MEP1A: variants seen among roughly 807,000 people sequenced by gnomAD.
MEP1A encodes meprin A subunit alpha.
In MEP1A, 68 loss-of-function variants were observed where a neutral mutation model predicts 84.5. The ratio of observed to expected loss-of-function variants is 0.80; its 90% confidence interval spans 0.66 to 0.98. The LOEUF is 0.98. MEP1A is among the 50% of genes least tolerant of loss of function. The pLI, the probability that MEP1A is intolerant of heterozygous loss-of-function variation, is 0.00. For missense variants in MEP1A, 887 were observed against 919.9 expected (o/e 0.96, Z 0.46); for synonymous variants, 337 against 336.8 (o/e 1.00, Z -0.01).
At position 46,825,478 on chromosome 6, in the gene MEP1A, C is replaced by G. The variant is rs368922958; in HGVS notation, c.763C>G (p.Arg255Gly). The change falls in exon 8 of 14, where the codon CGA (arginine) becomes GGA (glycine). Residue 255 changes from arginine (R) to glycine (G), a missense_variant. By Grantham distance (125) the Arg-to-Gly change is moderately radical (BLOSUM62 -2). Transcript: ENST00000230588. The part of the protein sequence containing the change: ...FSAIDLERLN[R>G]MYNCTTTHTL... Reference sequence around the variant, plus strand: ...TGCCATTGATTTAGAGAGGCTGAACCGAATGTACAATTGCAGTGAGTATCT... The same window carrying G: ...TGCCATTGATTTAGAGAGGCTGAACGGAATGTACAATTGCAGTGAGTATCT... 1.2e-6 allele frequency: 2 copies of G among 1,610,752 alleles called. No individual in the cohort carries two copies. The highest frequency in any genetic ancestry group is 1.3e-5 in the African/African-American group (1 of 74,928).
intron 5 of MEP1A, among the ~76,000 whole-genome samples, chr6:46,802,552 A>C (rs1767219128): frequency 6.6e-6 from 1 of 151,800 alleles, no homozygotes; most frequent in South Asian, 2.1e-4. Context: ...TCCAATTTTT[A>C]CACCATATAT....
chr6:46,813,149 G>C (rs752016194), intron 6 of MEP1A, among the ~76,000 whole-genome samples: 2 of 151,940 alleles, frequency 1.3e-5, no homozygotes, highest in African/African-American at 4.8e-5. Context: ...AGGGTCTCCA[G>C]AATTAGGTAA....
At chr6:46,835,223 T>C in intron 12 of MEP1A, 26 bp from the exon 13 acceptor site, 1 of 1,549,086 alleles carries the variant, frequency 6.5e-7, no homozygotes, top group Non-Finnish European at 8.7e-7. Flanking sequence ...TCCTGGATCT[T>C]CCTCATGACT....
Position 46,829,564 on chromosome 6 carries a change from T to G in MEP1A, c.1137T>G (p.Thr379=). ...TTCGCAAGTTGGTGAAGGTGCAGAC[T>G]TTTCAAGGTACTTAGAGGCATTCAC... ...GNVRKLVKVQ[T]FQGDDDHNWK... Residue 379 remains threonine, a synonymous_variant, in exon 10 of 14, where the codon ACT becomes ACG. Transcript: ENST00000230588. 6.2e-7 allele frequency: 1 copy of G among 1,613,406 alleles called. No individual in the cohort carries two copies. Among genetic ancestry groups the G allele is most frequent in the Non-Finnish European group, 8.5e-7 (1 of 1,179,372 alleles).
At chr6:46,830,797 C>T (rs769783121) in intron 10 of MEP1A, among the ~76,000 whole-genome samples, 20 of 152,132 alleles carry the variant, frequency 1.3e-4, no homozygotes, top group Admixed American at 3.9e-4. Flanking sequence ...CTACAAATCA[C>T]AGTTTTGAGG....
chr6:46,825,072 CTATT>C (rs1767902472), intron 7 of MEP1A, among the ~76,000 whole-genome samples, 196 bp from the exon 8 acceptor site: 1 of 119,808 alleles, frequency 8.3e-6, no homozygotes, highest in African/African-American at 3.4e-5. Context: ...TTAAATAAAT[CTATT>C]TAAATATTTA....
At chr6:46,809,573 T>C in intron 6 of MEP1A, 36 bp downstream of exon 6, 3 of 1,395,840 alleles carry the variant, frequency 2.1e-6, no homozygotes, top group Non-Finnish European at 3.0e-6. Flanking sequence ...AAATCATGCA[T>C]ACTTTGGTTC....
At position 46,807,577 on chromosome 6, in the gene MEP1A, G is replaced by GA. The variant is rs1435817389; in HGVS notation, c.263-1841dup. On this transcript the variant is annotated intron_variant, in intron 5 of 13. Coordinates refer to ENST00000230588, the MANE Select transcript of MEP1A (RefSeq NM_005588.3). ...GAAAGAAAGAAAGAAAGGAAGGAAG[G>GA]AAGGAAGGAAGGAAGGAAGGAAGGA... Among the ~76,000 whole-genome samples, 70 of 35,582 alleles carry GA rather than the reference G, an allele frequency of 2.0e-3. 1 individual carries two copies. Among genetic ancestry groups the GA allele is most frequent in the African/African-American group, 9.3e-3 (69 of 7,386 alleles). 23.3% of individuals were successfully genotyped at this position (35,582 alleles called of 152,430 possible). A position where few individuals can be genotyped will look rare whatever the true frequency, so the allele number is the denominator to read the frequency against.
intron 5 of MEP1A, among the ~76,000 whole-genome samples, chr6:46,807,573 G>A (rs201300086): frequency 0.2 from 4,685 of 23,306 alleles, 283 homozygotes; most frequent in African/African-American, 0.28. Flanking sequence ...AGAAAGGAAG[G>A]AAGGAAGGAA....
At chr6:46,805,794 T>C (rs1767299092) in intron 5 of MEP1A, among the ~76,000 whole-genome samples, 1 of 151,960 alleles carries the variant, frequency 6.6e-6, no homozygotes, top group Admixed American at 6.6e-5. Context: ...TTCTTCTGTC[T>C]TTAAGGTGAT....
At position 46,824,993 on chromosome 6, in the gene MEP1A, TAG is replaced by T. The variant is rs1170706513; in HGVS notation, c.557-277_557-276del. Among the ~76,000 whole-genome samples the T allele has an allele frequency of 9.6e-4, 120 of 124,818 alleles. 12 individuals are homozygous for T. Among genetic ancestry groups the T allele is most frequent in the African/African-American group, 3.5e-3 (112 of 32,428 alleles). 81.9% of individuals were successfully genotyped at this position (124,818 alleles called of 152,430 possible). On this transcript the variant is annotated intron_variant, in intron 7 of 13. Transcript: ENST00000230588. ...AATATATATAAATTATATATTTAAATAGATCTATTTAAGTATATATAAATTAT... is the reference window on the plus strand; with the variant it reads ...AATATATATAAATTATATATTTAAATATCTATTTAAGTATATATAAATTAT...
At chr6:46,824,828 T>C (rs187086441) in intron 7 of MEP1A, among the ~76,000 whole-genome samples, 10 of 86,908 alleles carry the variant, frequency 1.2e-4, no homozygotes, top group East Asian at 2.9e-4. Flanking sequence ...TTAGATGTAT[T>C]TAAATATATA....
chr6:46,807,835 GAAA>G (rs1767400170), intron 5 of MEP1A, among the ~76,000 whole-genome samples: 16 of 126,806 alleles, frequency 1.3e-4, no homozygotes, highest in Admixed American at 2.3e-4. Context: ...AAGAAAGAAA[GAAA>G]GGAAGAAAGG....
chr6:46,798,515 T>A, intron 3 of MEP1A, 91 bp from the exon 4 acceptor site: 1 of 1,105,114 alleles, frequency 9.0e-7, no homozygotes, highest in Non-Finnish European at 1.4e-6. Context: ...ATTCAAAGAT[T>A]TATAATGGCA....
chr6:46,836,259 CT>C (rs1460714588), intron 13 of MEP1A, among the ~76,000 whole-genome samples: 3 of 152,138 alleles, frequency 2.0e-5, no homozygotes, highest in African/African-American at 7.2e-5. Context: ...TTTTATAGTT[CT>C]TTTTATAATG....
At chr6:46,836,125 C>G (rs557536730) in intron 13 of MEP1A, among the ~76,000 whole-genome samples, 1 of 152,244 alleles carries the variant, frequency 6.6e-6, no homozygotes, top group African/African-American at 2.4e-5. Context: ...CTCCTTATCC[C>G]CGTTTAGTGT....
At chr6:46,806,960 C>T (rs2150743191) in intron 5 of MEP1A, among the ~76,000 whole-genome samples, 1 of 152,000 alleles carries the variant, frequency 6.6e-6, no homozygotes, top group East Asian at 1.9e-4. Flanking sequence ...CTGTTTTAGC[C>T]ATTTTCCAGC....
intron 6 of MEP1A, among the ~76,000 whole-genome samples, chr6:46,814,070 G>A (rs2150747123): frequency 6.6e-6 from 1 of 152,240 alleles, no homozygotes; most frequent in East Asian, 1.9e-4. Context: ...GGTGTTCTTT[G>A]AGATTCTTAT....
chr6:46,809,124 G>A (rs567854679), intron 5 of MEP1A, among the ~76,000 whole-genome samples: 1 of 151,166 alleles, frequency 6.6e-6, no homozygotes, highest in African/African-American at 2.4e-5. Flanking sequence ...GAGAAAGTGT[G>A]GAAGTTATTT....
Sources: gnomAD v4.1 joint callset for allele counts (sites outside exome capture counted in the v4.1 genomes callset) on GRCh38, gnomAD v4.1.1 for gene constraint, MANE v1.5 for transcripts, NCBI Gene and HGNC (gene_info 2026-07-23, HGNC 2026-07-21) for gene names.